Variants in SETD2 observed in about 807,000 individuals in gnomAD.
SETD2 encodes SET domain containing 2, histone lysine methyltransferase.
Under a neutral mutation model 242.1 loss-of-function variants are expected in SETD2, and 31 were observed. The ratio of observed to expected loss-of-function variants is 0.13; its 90% CI spans 0.10 to 0.17. The LOEUF is 0.17. Among genes scored for constraint, SETD2 ranks in the 10% least tolerant of loss-of-function variants. SETD2 has a pLI of 1.00. For missense variants in SETD2, 2,481 were observed against 3,046.3 expected, an observed-to-expected ratio of 0.81 and a Z score of 4.37; for synonymous variants, 1,006 against 1,066.5, an observed-to-expected ratio of 0.94 and a Z score of 1.11.
At chr3:47,033,354 C>A (rs2038860786) in intron 18 of SETD2, among the ~76,000 whole-genome samples, 1 of 152,156 alleles carries the variant, frequency 6.6e-6, no homozygotes, top group Non-Finnish European at 1.5e-5. Flanking sequence ...CTTCTATGCT[C>A]CCAGGATGAA....
At chr3:47,046,409 C>A (rs2039533130) in intron 16 of SETD2, 78 bp downstream of exon 16, 7 of 1,298,978 alleles carry the variant, frequency 5.4e-6, no homozygotes, top group Admixed American at 2.8e-5. Context: ...AAACCCAAAA[C>A]AAATCCAAAC....
At chr3:47,072,272 C>T (rs2040856941) in intron 12 of SETD2, among the ~76,000 whole-genome samples, 1 of 152,024 alleles carries the variant, frequency 6.6e-6, no homozygotes, top group South Asian at 2.1e-4. Flanking sequence ...CACGCCACTG[C>T]ACTTCAGCCT....
At chr3:47,124,569 C>A (rs1395388552) in intron 2 of SETD2, 21 bp from the exon 3 acceptor site, 48 of 1,518,510 alleles carry the variant, frequency 3.2e-5, no homozygotes, top group Admixed American at 4.3e-5. Context: ...ACAAAATAAG[C>A]AATTACTACT....
chr3:47,138,280 T>G (rs775983859), intron 1 of SETD2: 1 of 311,004 alleles, frequency 3.2e-6, no homozygotes, highest in South Asian at 2.6e-5. Flanking sequence ...CCCACTTTCT[T>G]TTTTTTTGAA....
intron 9 of SETD2, 42 bp downstream of exon 9, chr3:47,097,913 A>G (rs753462225): frequency 1.2e-6 from 2 of 1,604,112 alleles, no homozygotes; most frequent in Non-Finnish European, 1.7e-6. Context: ...CTCGCTTTTT[A>G]AATTTTTTAT....
At chr3:47,107,730 TGGGGGG>T (rs1217074463) in intron 5 of SETD2, among the ~76,000 whole-genome samples, 2 of 28,948 alleles carry the variant, frequency 6.9e-5, no homozygotes, top group Admixed American at 5.4e-4. Context: ...CGGGGGGGGG[TGGGGGG>T]GGGGTGGCAG....
chr3:47,137,466 T>C (rs747304271), intron 1 of SETD2, among the ~76,000 whole-genome samples: 1 of 152,078 alleles, frequency 6.6e-6, no homozygotes, highest in Non-Finnish European at 1.5e-5. Context: ...GCTGGGATTG[T>C]AGGTGTGAGC....
chr3:47,082,479 A>T (rs2041359064), intron 12 of SETD2, among the ~76,000 whole-genome samples: 1 of 152,216 alleles, frequency 6.6e-6, no homozygotes, highest in African/African-American at 2.4e-5. Flanking sequence ...GGCCTTAAAT[A>T]AAAATCCATC....
intron 15 of SETD2, among the ~76,000 whole-genome samples, chr3:47,052,048 T>C (rs1559667340): frequency 6.6e-6 from 1 of 152,216 alleles, no homozygotes; most frequent in Non-Finnish European, 1.5e-5. Flanking sequence ...CAGTATTAAT[T>C]TGGTTTCTAT....
At chr3:47,030,097 C>T (rs2038693726) in intron 18 of SETD2, among the ~76,000 whole-genome samples, 2 of 151,228 alleles carry the variant, frequency 1.3e-5, no homozygotes, top group Admixed American at 1.3e-4. Context: ...TGCAGTGAGC[C>T]GAGATCGCAC....
intron 3 of SETD2, among the ~76,000 whole-genome samples, chr3:47,118,274 G>A (rs2042939233): frequency 6.6e-6 from 1 of 152,186 alleles, no homozygotes; most frequent in Non-Finnish European, 1.5e-5. Context: ...GCTCTAGAAG[G>A]CTGGAATAGG....
At chr3:47,071,500 GAAC>G (rs1245298718) in intron 12 of SETD2, among the ~76,000 whole-genome samples, 4 of 152,128 alleles carry the variant, frequency 2.6e-5, no homozygotes, top group African/African-American at 9.7e-5. Flanking sequence ...TCCCTGGAAA[GAAC>G]TACTGTTTAA....
At chr3:47,070,698 G>A (rs1451574312) in intron 12 of SETD2, among the ~76,000 whole-genome samples, 5 of 152,120 alleles carry the variant, frequency 3.3e-5, no homozygotes, top group Non-Finnish European at 7.4e-5. Context: ...AACCCTTAAT[G>A]TAAGATCACC....
chr3:47,057,751 G>A (rs1002610988), intron 14 of SETD2, among the ~76,000 whole-genome samples: 11 of 152,120 alleles, frequency 7.2e-5, no homozygotes, highest in Non-Finnish European at 1.5e-4. Context: ...ATTAAAGATA[G>A]ATACAGCATC....
At chr3:47,124,592 T>A (rs953740327) in intron 2 of SETD2, 44 bp from the exon 3 acceptor site, 2 of 1,459,896 alleles carry the variant, frequency 1.4e-6, no homozygotes, top group Non-Finnish European at 1.8e-6. Context: ...AATAAATAGT[T>A]ACTTTCAAAT....
At chr3:47,100,881 G>T (rs1242880293) in intron 8 of SETD2, among the ~76,000 whole-genome samples, 1 of 151,480 alleles carries the variant, frequency 6.6e-6, no homozygotes, top group Non-Finnish European at 1.5e-5. Context: ...GTGGTGGCGG[G>T]CGCCTGTAGT....
chr3:47,033,376 G>A (rs2038861916), intron 18 of SETD2, among the ~76,000 whole-genome samples: 1 of 152,148 alleles, frequency 6.6e-6, no homozygotes, highest in African/African-American at 2.4e-5. Context: ...AAGCATAACA[G>A]AGCTATAAGC....
chr3:47,127,671 G>T (rs2043372350), intron 1 of SETD2: 1 of 331,702 alleles, frequency 3.0e-6, no homozygotes, highest in Non-Finnish European at 5.9e-6. Context: ...AGACCAGCCT[G>T]GCCAACATGG....
chr3:47,088,560 T>C (rs1307502039), intron 9 of SETD2, among the ~76,000 whole-genome samples: 1 of 152,132 alleles, frequency 6.6e-6, no homozygotes, highest in African/African-American at 2.4e-5. Flanking sequence ...AAACCTGCCC[T>C]TATGGGAGAC....
Sources: allele counts gnomAD v4.1 joint callset (sites outside exome capture counted in the v4.1 genomes callset), GRCh38; gene constraint gnomAD v4.1.1; transcripts MANE v1.5; gene names NCBI Gene and HGNC (gene_info 2026-07-23, HGNC 2026-07-21).